The following CMC1 variants were observed in gnomAD, a reference collection of about 807,000 sequenced individuals.
CMC1 encodes the protein COX assembly mitochondrial protein homolog.
In CMC1, 14 loss-of-function variants were observed where a neutral mutation model predicts 14.1. The ratio of observed to expected loss-of-function variants is 0.99; its 90% CI spans 0.66 to 1.55. The LOEUF (loss-of-function observed/expected upper bound fraction) is 1.55, where lower values mean the gene tolerates loss of function less well. Ranked by LOEUF, CMC1 falls within the 40% of genes most tolerant of loss-of-function variation. CMC1 has a pLI of 0.00. For missense variants in CMC1, 127 were observed against 123.8 expected (o/e 1.03, Z -0.12); for synonymous variants, 50 against 38.4 (o/e 1.30, Z -1.12).
At chr3:28,251,396 A>C (rs1419928165) in intron 1 of CMC1, among the ~76,000 whole-genome samples, 1 of 152,182 alleles carries the variant, frequency 6.6e-6, no homozygotes, top group Admixed American at 6.5e-5. Flanking sequence ...AAGGGCACAA[A>C]GCTGTTCATG....
chr3:28,256,352 G>T (rs1361841608), intron 1 of CMC1, among the ~76,000 whole-genome samples: 2 of 152,146 alleles, frequency 1.3e-5, no homozygotes, highest in Non-Finnish European at 2.9e-5. Context: ...TGAAGCTGCA[G>T]TCAGCAAGTG....
chr3:28,320,152 A>G lies in CMC1; in HGVS notation c.*523A>G, dbSNP rs1180674278. 1 of 151,902 alleles carries G rather than the reference A, an allele frequency of 6.6e-6. No homozygotes were observed. The highest frequency in any genetic ancestry group is 1.5e-5 in the Non-Finnish European group (1 of 67,932). 9.4% of individuals were successfully genotyped at this position (151,902 alleles called of 1,614,324 possible). A position where few individuals can be genotyped will look rare whatever the true frequency, so the allele number is the denominator to read the frequency against. ...CATATAGCAGGTACACGTACAGTGTATAAGACAGTGCTTCAGACCTGGTAC... is the reference window on the plus strand; with the variant it reads ...CATATAGCAGGTACACGTACAGTGTGTAAGACAGTGCTTCAGACCTGGTAC... On this transcript the variant is annotated 3_prime_UTR_variant, in exon 4 of 4. Transcript: ENST00000466830.
At chr3:28,316,638 A>T in intron 3 of CMC1, 1 of 352,706 alleles carries the variant, frequency 2.8e-6, no homozygotes, top group Non-Finnish European at 5.1e-6. Flanking sequence ...GATTAAAAAG[A>T]TGAAGTCAGC....
At chr3:28,318,857 A>C (rs1318771486) in intron 3 of CMC1, 2 of 161,058 alleles carry the variant, frequency 1.2e-5, no homozygotes, top group Non-Finnish European at 2.7e-5. Context: ...AGATTCATCC[A>C]AGACACAAAA....
intron 2 of CMC1, among the ~76,000 whole-genome samples, chr3:28,295,379 A>T (rs1200306243): frequency 2.1e-5 from 2 of 94,434 alleles, no homozygotes; most frequent in African/African-American, 5.7e-5. Context: ...AATATTTAAA[A>T]AATATGTCTT....
At chr3:28,287,994 C>T (rs189937069) in intron 2 of CMC1, among the ~76,000 whole-genome samples, 190 of 151,906 alleles carry the variant, frequency 1.3e-3, no homozygotes, top group Middle Eastern at 6.8e-3. Context: ...AATTGAGTCT[C>T]GTAGTGGTAC....
intron 2 of CMC1, among the ~76,000 whole-genome samples, chr3:28,290,250 TG>T (rs1204894374): frequency 6.6e-6 from 1 of 152,142 alleles, no homozygotes; most frequent in Non-Finnish European, 1.5e-5. Context: ...AATTTTTTTT[TG>T]ATCTGTTGCT....
chr3:28,241,734 A>C lies in CMC1; in HGVS notation c.-60A>C. On this transcript the variant is annotated 5_prime_UTR_variant, in exon 1 of 4. Coordinates refer to ENST00000466830, the MANE Select transcript of CMC1 (RefSeq NM_182523.2). ...GTCCGAGCCCAAGCCCCTCCCCTCC[A>C]CTCCCCTTCCTGCGTGCCCCGGAGC... 3.2e-6 allele frequency: 4 copies of C among 1,239,068 alleles called. No homozygotes were observed. The highest frequency in any genetic ancestry group is 4.1e-6 in the Non-Finnish European group (4 of 987,596). The allele number at this position is 1,239,068 out of a possible 1,614,324, so 76.8% of individuals were successfully genotyped here.
rs1048065379 is a variant in CMC1, at chr3:28,324,759, A to T, written c.*5130A>T. Reference sequence around the variant, plus strand: ...GTCATAGAGCTTTTAAAAGATGAAGAACTACATATTTTTAAAAGTTGGAAA... The same window carrying T: ...GTCATAGAGCTTTTAAAAGATGAAGTACTACATATTTTTAAAAGTTGGAAA... On this transcript the variant is annotated 3_prime_UTR_variant, in exon 4 of 4. Coordinates refer to ENST00000466830, the MANE Select transcript of CMC1 (RefSeq NM_182523.2). 8.4e-6 allele frequency: 2 copies of T among 236,782 alleles called. No individual in the cohort carries two copies. Among genetic ancestry groups the T allele is most frequent in the African/African-American group, 4.5e-5 (2 of 44,446 alleles). The allele number at this position is 236,782 out of a possible 1,614,324, so 14.7% of individuals were successfully genotyped here.
At chr3:28,277,957 C>T (rs1700663413) in intron 2 of CMC1, among the ~76,000 whole-genome samples, 1 of 115,270 alleles carries the variant, frequency 8.7e-6, no homozygotes, top group Non-Finnish European at 1.8e-5. Flanking sequence ...TGAAAAGAGA[C>T]AGGGTCTGAT....
intron 1 of CMC1, among the ~76,000 whole-genome samples, chr3:28,253,011 G>T (rs1279482147): frequency 1.3e-5 from 2 of 151,976 alleles, no homozygotes; most frequent in Admixed American, 6.6e-5. Flanking sequence ...TTGAAGGAAA[G>T]AAGGTGAATT....
At chr3:28,276,911 A>G (rs1700616335) in intron 2 of CMC1, among the ~76,000 whole-genome samples, 1 of 152,198 alleles carries the variant, frequency 6.6e-6, no homozygotes, top group Non-Finnish European at 1.5e-5. Context: ...CGTAATGTAC[A>G]AAAGAGATAA....
intron 1 of CMC1, among the ~76,000 whole-genome samples, chr3:28,248,738 C>T (rs1381297429): frequency 6.6e-6 from 1 of 152,116 alleles, no homozygotes; most frequent in African/African-American, 2.4e-5. Context: ...CCAAATAAAA[C>T]TATTGATACC....
At chr3:28,285,695 A>G (rs1310129766) in intron 2 of CMC1, among the ~76,000 whole-genome samples, 1 of 151,996 alleles carries the variant, frequency 6.6e-6, no homozygotes, top group Non-Finnish European at 1.5e-5. Flanking sequence ...GTGAAAAAAA[A>G]AAACCCATGA....
chr3:28,290,824 T>C (rs1172498384), intron 2 of CMC1, among the ~76,000 whole-genome samples: 3 of 152,090 alleles, frequency 2.0e-5, no homozygotes, highest in Non-Finnish European at 4.4e-5. Flanking sequence ...TGTAGTGGCT[T>C]AAAAGAGCAC....
chr3:28,280,024 AAAG>A (rs1700799568), intron 2 of CMC1, among the ~76,000 whole-genome samples: 1 of 152,242 alleles, frequency 6.6e-6, no homozygotes, highest in African/African-American at 2.4e-5. Flanking sequence ...CGTCTCAAAA[AAAG>A]AAGAGATGAC....
At chr3:28,275,532 G>A (rs746939343) in intron 2 of CMC1, among the ~76,000 whole-genome samples, 2 of 151,956 alleles carry the variant, frequency 1.3e-5, no homozygotes, top group Non-Finnish European at 2.9e-5. Context: ...CCTGATGCCA[G>A]TGGGAACGCT....
At chr3:28,319,024 G>T in intron 3 of CMC1, 1 of 340,998 alleles carries the variant, frequency 2.9e-6, no homozygotes, top group Non-Finnish European at 5.8e-6. Context: ...ATCTGCTATA[G>T]TGGTACCTAT....
chr3:28,260,826 C>T (rs1251612472), intron 1 of CMC1, among the ~76,000 whole-genome samples: 2 of 151,856 alleles, frequency 1.3e-5, no homozygotes, highest in African/African-American at 4.8e-5. Context: ...TTCGCATTTC[C>T]TTTTTGGCAT....
Sources: gnomAD v4.1 joint callset for allele counts (sites outside exome capture counted in the v4.1 genomes callset) on GRCh38, gnomAD v4.1.1 for gene constraint, MANE v1.5 for transcripts, NCBI Gene and HGNC (gene_info 2026-07-23, HGNC 2026-07-21) for gene names.